The following LRP2 variants were observed in gnomAD, a reference collection of about 807,000 sequenced individuals.
LRP2 encodes the protein low-density lipoprotein receptor-related protein 2.
LRP2 carries 172 observed loss-of-function variants against 531.0 expected under a neutral mutation model. That is an observed-to-expected ratio of 0.32 (90% CI 0.29 to 0.37). The LOEUF (loss-of-function observed/expected upper bound fraction) is 0.37. Among genes scored for constraint, LRP2 ranks in the 10% least tolerant of loss-of-function variants. The pLI, the probability that LRP2 is intolerant of heterozygous loss-of-function variation, is 1.00. For synonymous variants in LRP2, 1,992 were observed against 2,027.6 expected, an observed-to-expected ratio of 0.98 and a Z score of 0.47; for missense variants, 5,167 against 5,868.3, an observed-to-expected ratio of 0.88 and a Z score of 3.90.
At chr2:169,153,036 G>T in intron 66 of LRP2, 72 bp from the exon 67 acceptor site, 3 of 1,392,152 alleles carry the variant, frequency 2.2e-6, no homozygotes, top group Non-Finnish European at 3.1e-6. Flanking sequence ...GGTCTAATCA[G>T]GTGAAGTACT....
intron 14 of LRP2, among the ~76,000 whole-genome samples, chr2:169,273,858 C>T (rs768079526): frequency 1.3e-5 from 2 of 152,146 alleles, no homozygotes; most frequent in Admixed American, 6.6e-5. Context: ...TCACATTGAT[C>T]ATTGATCTAA....
At chr2:169,239,841 T>C (rs1689740535) in intron 25 of LRP2, 66 bp from the exon 26 acceptor site, 2 of 1,392,508 alleles carry the variant, frequency 1.4e-6, no homozygotes, top group Non-Finnish European at 2.0e-6. Context: ...GATTCACTCT[T>C]ATGCAATATT....
chr2:169,349,133 G>A (rs1214084117), intron 1 of LRP2, among the ~76,000 whole-genome samples: 5 of 152,160 alleles, frequency 3.3e-5, no homozygotes, highest in Non-Finnish European at 7.3e-5. Context: ...TTAGGGAAGG[G>A]AAGATAATAA....
intron 39 of LRP2, 56 bp downstream of exon 39, chr2:169,206,274 T>G (rs556031151): frequency 6.2e-7 from 1 of 1,605,460 alleles, no homozygotes; most frequent in Non-Finnish European, 8.5e-7. Context: ...GTCATCCATG[T>G]GTGTTGACCC....
At chr2:169,302,904 G>A (rs1185270736) in intron 4 of LRP2, among the ~76,000 whole-genome samples, 1 of 151,974 alleles carries the variant, frequency 6.6e-6, no homozygotes, top group Admixed American at 6.6e-5. Context: ...CAAGATGATT[G>A]GGGAATTTTA....
At chr2:169,191,553 AT>A (rs1280123937) in intron 48 of LRP2, among the ~76,000 whole-genome samples, 1 of 152,002 alleles carries the variant, frequency 6.6e-6, no homozygotes, top group Non-Finnish European at 1.5e-5. Context: ...TAAATTGTTA[AT>A]ATGGTATTAT....
chr2:169,350,380 T>C (rs180850759), intron 1 of LRP2, among the ~76,000 whole-genome samples: 1 of 152,198 alleles, frequency 6.6e-6, no homozygotes, highest in East Asian at 1.9e-4. Flanking sequence ...ATTAGATTCA[T>C]AAATTTGAAA....
intron 47 of LRP2, 142 bp downstream of exon 47, chr2:169,193,619 A>G (rs1372827701): frequency 9.8e-7 from 1 of 1,024,894 alleles, no homozygotes; most frequent in Admixed American, 1.8e-5. Flanking sequence ...CACTCCCAGC[A>G]TGGAGAAACA....
chr2:169,175,465 T>C, intron 54 of LRP2, 76 bp from the exon 55 acceptor site: 1 of 1,390,042 alleles, frequency 7.2e-7, no homozygotes, highest in Non-Finnish European at 1.0e-6. Flanking sequence ...AAGTCAACAC[T>C]GAATTCCAAG....
intron 53 of LRP2, among the ~76,000 whole-genome samples, chr2:169,177,386 A>G (rs1480905152): frequency 1.3e-5 from 2 of 152,218 alleles, no homozygotes; most frequent in Non-Finnish European, 2.9e-5. Context: ...TAAGAATAAT[A>G]TCTAATTTAT....
intron 71 of LRP2, among the ~76,000 whole-genome samples, chr2:169,141,382 C>G (rs1051941129): frequency 6.6e-6 from 1 of 152,132 alleles, no homozygotes; most frequent in Non-Finnish European, 1.5e-5. Flanking sequence ...ATTGACTTCT[C>G]TATTTATTGT....
Position 169,241,134 on chromosome 2 carries a change from C to T in LRP2, c.3899G>A (p.Ser1300Asn). 1.2e-6 allele frequency: 2 copies of T among 1,614,102 alleles called. No homozygotes were observed. The highest frequency in any genetic ancestry group is 2.2e-5 in the East Asian group (1 of 44,880). ...CTGAGTAGGGCAGTCCTTCTCATCA[C>T]TCATATCCCCGCAGTCATTGTCCCG... ...CDRDNDCGDM[S>N]DEKDCPTQPF... The change falls in exon 25 of 79, where the codon AGT becomes AAT. Residue 1300 changes from serine (S) to asparagine (N), a missense_variant. Transcript: ENST00000649046.
At chr2:169,195,000 C>T (rs962053035) in intron 46 of LRP2, among the ~76,000 whole-genome samples, 3 of 152,168 alleles carry the variant, frequency 2.0e-5, no homozygotes, top group African/African-American at 7.2e-5. Context: ...TGAGCCACCG[C>T]GCCTGGCCTG....
intron 42 of LRP2, among the ~76,000 whole-genome samples, chr2:169,203,346 C>T (rs934816075): frequency 6.6e-6 from 1 of 152,184 alleles, no homozygotes; most frequent in African/African-American, 2.4e-5. Flanking sequence ...ACCTCTTAAG[C>T]AGAAAATGTA....
chr2:169,338,369 A>AAAGAAAG (rs1452840266), intron 1 of LRP2, among the ~76,000 whole-genome samples: 1 of 116,720 alleles, frequency 8.6e-6, no homozygotes, highest in Non-Finnish European at 1.7e-5. Context: ...GGAAAGAAAG[A>AAAGAAAG]AAGAAAGAAA....
At chr2:169,169,912 A>G (rs1157021763) in intron 59 of LRP2, 94 bp from the exon 60 acceptor site, 11 of 858,262 alleles carry the variant, frequency 1.3e-5, no homozygotes, top group African/African-American at 8.2e-5. Flanking sequence ...TCACATTCCT[A>G]TCTACACCCT....
intron 3 of LRP2, among the ~76,000 whole-genome samples, chr2:169,311,899 A>G (rs1467165544): frequency 1.3e-5 from 2 of 152,104 alleles, no homozygotes; most frequent in African/African-American, 2.4e-5. Context: ...TTGGGTGCAT[A>G]TATATTTAGG....
intron 48 of LRP2, among the ~76,000 whole-genome samples, chr2:169,189,777 T>C (rs1227369274): frequency 1.3e-5 from 2 of 150,298 alleles, no homozygotes; most frequent in Non-Finnish European, 3.0e-5. Flanking sequence ...TAGAAGCTGA[T>C]AGCTCAGGTT....
At chr2:169,327,705 G>A (rs1685128039) in intron 1 of LRP2, among the ~76,000 whole-genome samples, 1 of 128,638 alleles carries the variant, frequency 7.8e-6, no homozygotes, top group South Asian at 2.7e-4. Context: ...CGGGAGGGAG[G>A]TGGGGGGATC....
Sources: allele counts gnomAD v4.1 joint callset (sites outside exome capture counted in the v4.1 genomes callset), GRCh38; gene constraint gnomAD v4.1.1; transcripts MANE v1.5; gene names NCBI Gene and HGNC (gene_info 2026-07-23, HGNC 2026-07-21).